RAPGEF5: variants seen among roughly 807,000 people sequenced by gnomAD.
RAPGEF5 encodes Rap guanine nucleotide exchange factor 5, also known as M-Ras-regulated GEF.
A neutral mutation model predicts 125.2 loss-of-function variants in RAPGEF5; 65 were observed. The observed-to-expected ratio is 0.52, with a 90% confidence interval of 0.43 to 0.64. RAPGEF5 has a LOEUF of 0.64. RAPGEF5 is among the 30% of genes least tolerant of loss of function. The pLI is 0.00. For missense variants in RAPGEF5, 958 were observed against 1,048.1 expected (o/e 0.91, Z 1.19); for synonymous variants, 391 against 385.9 (o/e 1.01, Z -0.16).
chr7:22,311,881 T>C (rs752378393), intron 3 of RAPGEF5, among the ~76,000 whole-genome samples: 5 of 152,244 alleles, frequency 3.3e-5, no homozygotes, highest in Admixed American at 1.3e-4. Flanking sequence ...AGTCAGCATC[T>C]CAGGGCTTTG....
At chr7:22,127,269 G>T (rs1782778610) in intron 24 of RAPGEF5, among the ~76,000 whole-genome samples, 1 of 151,968 alleles carries the variant, frequency 6.6e-6, no homozygotes, top group South Asian at 2.1e-4. Context: ...TTGAACTCCT[G>T]ACCTCAGGAT....
In RAPGEF5 at chr7:22,305,835, C is replaced by A. The variant is rs910659212; in HGVS notation, c.680+2504G>T. Reference sequence around the variant, plus strand: ...CTTTCTGTGCCTGGCGTATGTCATTCAACATAATGCCCTCCAGTTCCATCC... The same window carrying A: ...CTTTCTGTGCCTGGCGTATGTCATTAAACATAATGCCCTCCAGTTCCATCC... On this transcript the variant is annotated intron_variant, in intron 5 of 25. Coordinates refer to ENST00000665637, the MANE Select transcript of RAPGEF5 (RefSeq NM_012294.5). 5.3e-5 allele frequency among the ~76,000 whole-genome samples: 8 copies of A among 152,132 alleles called. No individual in the cohort carries two copies. In the South Asian group the frequency reaches 1.0e-3, roughly 20 times the overall value.
At chr7:22,307,994 G>A (rs79750755) in intron 5 of RAPGEF5, among the ~76,000 whole-genome samples, 1 of 152,142 alleles carries the variant, frequency 6.6e-6, no homozygotes, top group Admixed American at 6.5e-5. Context: ...GGAAAGTCAC[G>A]ATTTGGATAG....
chr7:22,121,226 GAAAAAAA>G lies in RAPGEF5; in HGVS notation c.*1173_*1179del, dbSNP rs10716365. 2 of 112,458 alleles carry G rather than the reference GAAAAAAA, an allele frequency of 1.8e-5. No homozygotes were observed. Among genetic ancestry groups the G allele is most frequent in the South Asian group, 3.1e-4 (1 of 3,206 alleles). The allele number at this position is 112,458 out of a possible 1,614,324, so 7.0% of individuals were successfully genotyped here. ...TAAGATTTTAGAAGACTCAGATTTT[GAAAAAAA>G]AAAAAAAAAAGGCAAATTATAGAAA... On this transcript the variant is annotated 3_prime_UTR_variant, in exon 26 of 26. Transcript: ENST00000665637.
At chr7:22,308,109 A>G (rs759243873) in intron 5 of RAPGEF5, among the ~76,000 whole-genome samples, 1 of 152,230 alleles carries the variant, frequency 6.6e-6, no homozygotes, top group Non-Finnish European at 1.5e-5. Context: ...TAGAAACCAC[A>G]TGGTACAGAT....
rs369691074 is a variant in RAPGEF5, at chr7:22,319,852, TA to T, written c.232-1816del. ...AAAGCTTTTAAGCAGAAACAAGGTC[TA>T]AAAAAAAAAAACGTGGGCAGGGGCA... is the stretch of plus-strand genomic sequence containing the variant. On this transcript the variant is annotated intron_variant, in intron 1 of 25. Coordinates refer to ENST00000665637, the MANE Select transcript of RAPGEF5 (RefSeq NM_012294.5). Among the ~76,000 whole-genome samples the T allele has an allele frequency of 6.6e-3, 925 of 139,490 alleles. 4 individuals are homozygous for T. The highest frequency in any genetic ancestry group is 0.02 in the African/African-American group (784 of 38,428). The allele number at this position is 139,490 out of a possible 152,430, so 91.5% of individuals were successfully genotyped here.
intron 8 of RAPGEF5, among the ~76,000 whole-genome samples, chr7:22,226,473 T>A (rs1036795072): frequency 6.6e-6 from 1 of 152,150 alleles, no homozygotes; most frequent in Non-Finnish European, 1.5e-5. Context: ...CAAAAAATAA[T>A]AATAATTTTA....
intron 3 of RAPGEF5, among the ~76,000 whole-genome samples, chr7:22,313,281 T>C: frequency 6.6e-6 from 1 of 152,236 alleles, no homozygotes; most frequent in East Asian, 1.9e-4. Flanking sequence ...TAGTGACGTA[T>C]TCATGCAAAG....
chr7:22,202,755 T>C (rs1341318061), intron 9 of RAPGEF5, among the ~76,000 whole-genome samples: 1 of 152,178 alleles, frequency 6.6e-6, no homozygotes, highest in African/African-American at 2.4e-5. Flanking sequence ...ATTAAACGGA[T>C]ATCCACCAAA....
At chr7:22,245,112 T>C (rs1461442652) in intron 7 of RAPGEF5, among the ~76,000 whole-genome samples, 2 of 152,256 alleles carry the variant, frequency 1.3e-5, no homozygotes, top group East Asian at 1.9e-4. Flanking sequence ...TGGCTATTTG[T>C]ATATCTTTGA....
chr7:22,132,674 G>A (rs770714281), intron 23 of RAPGEF5, among the ~76,000 whole-genome samples: 12 of 152,128 alleles, frequency 7.9e-5, no homozygotes, highest in African/African-American at 1.4e-4. Flanking sequence ...CAGCTTCTCA[G>A]AGTGGCTTAG....
chr7:22,343,139 T>C (rs1209813189), intron 1 of RAPGEF5, among the ~76,000 whole-genome samples: 2 of 152,152 alleles, frequency 1.3e-5, no homozygotes, highest in Non-Finnish European at 2.9e-5. Context: ...GAAGGTAAAA[T>C]GCACGTCTCA....
At chr7:22,159,605 G>C (rs1195222140) in intron 14 of RAPGEF5, among the ~76,000 whole-genome samples, 1 of 152,170 alleles carries the variant, frequency 6.6e-6, no homozygotes, top group African/African-American at 2.4e-5. Flanking sequence ...TCTGAAAACT[G>C]AATGACTTGA....
intron 6 of RAPGEF5, among the ~76,000 whole-genome samples, chr7:22,272,583 T>C (rs1447726523): frequency 1.3e-5 from 2 of 152,154 alleles, no homozygotes; most frequent in Non-Finnish European, 2.9e-5. Flanking sequence ...AGAGCCCATT[T>C]TTCTCAATTT....
chr7:22,346,272 T>A (rs1429937944), intron 1 of RAPGEF5, among the ~76,000 whole-genome samples: 7 of 152,182 alleles, frequency 4.6e-5, no homozygotes, highest in Non-Finnish European at 8.8e-5. Flanking sequence ...AGTGGTAAGC[T>A]CATTTTAAAA....
At chr7:22,228,819 C>T (rs1048976382) in intron 8 of RAPGEF5, among the ~76,000 whole-genome samples, 1 of 151,872 alleles carries the variant, frequency 6.6e-6, no homozygotes, top group Non-Finnish European at 1.5e-5. Context: ...GTTACTCGCC[C>T]AAGGTTACTG....
At chr7:22,346,157 A>G (rs1784220930) in intron 1 of RAPGEF5, among the ~76,000 whole-genome samples, 1 of 152,122 alleles carries the variant, frequency 6.6e-6, no homozygotes, top group African/African-American at 2.4e-5. Flanking sequence ...ATAAAACCTG[A>G]TTCCCTATCC....
intron 8 of RAPGEF5, among the ~76,000 whole-genome samples, chr7:22,225,504 T>C (rs987609112): frequency 4.6e-5 from 7 of 152,230 alleles, no homozygotes; most frequent in African/African-American, 1.7e-4. Flanking sequence ...TTTAAACCCA[T>C]ATATCCCAGA....
At chr7:22,276,485 T>C (rs1782558595) in intron 6 of RAPGEF5, among the ~76,000 whole-genome samples, 1 of 152,226 alleles carries the variant, frequency 6.6e-6, no homozygotes, top group African/African-American at 2.4e-5. Flanking sequence ...ATTCTAGGGA[T>C]CTTCTATGGT....
Sources: gnomAD v4.1 joint callset for allele counts (sites outside exome capture counted in the v4.1 genomes callset) on GRCh38, gnomAD v4.1.1 for gene constraint, MANE v1.5 for transcripts, NCBI Gene and HGNC (gene_info 2026-07-23, HGNC 2026-07-21) for gene names.